Variants in CAPS2 observed in about 807,000 individuals in gnomAD.
CAPS2 encodes the protein calcyphosine 2.
Under a neutral mutation model 86.5 loss-of-function variants are expected in CAPS2, and 98 were observed. The ratio of observed to expected loss-of-function variants is 1.13; its 90% confidence interval spans 0.96 to 1.34. The LOEUF is 1.34. CAPS2 is among the 40% of genes most tolerant of loss of function. The pLI is 0.00. For synonymous variants in CAPS2, 210 were observed against 225.1 expected, an observed-to-expected ratio of 0.93 and a Z score of 0.60; for missense variants, 729 against 686.8, an observed-to-expected ratio of 1.06 and a Z score of -0.69.
downstream of CAPS2, chr12:75,276,984 C>T: frequency 2.0e-6 from 2 of 984,132 alleles, no homozygotes; most frequent in Non-Finnish European, 2.4e-6. Context: ...CACTAAATAA[C>T]AGATTTTACT....
chr12:75,375,241 G>A (rs943706922), intron 1 of CAPS2, among the ~76,000 whole-genome samples: 3 of 151,984 alleles, frequency 2.0e-5, no homozygotes, highest in African/African-American at 7.3e-5. Flanking sequence ...ATTCATCCAG[G>A]GACCCACTGG....
upstream of CAPS2, among the ~76,000 whole-genome samples, chr12:75,327,496 T>A (rs1318111741): frequency 6.6e-6 from 1 of 152,166 alleles, no homozygotes; most frequent in Non-Finnish European, 1.5e-5. Context: ...TTACCAAGGA[T>A]AATTTTACAT....
At chr12:75,386,894 C>A (rs1253813124) in intron 1 of CAPS2, among the ~76,000 whole-genome samples, 3 of 151,958 alleles carry the variant, frequency 2.0e-5, no homozygotes, top group Non-Finnish European at 4.4e-5. Context: ...AAACTTTATA[C>A]CCTTCACAAA....
intron 1 of CAPS2, chr12:75,360,834 C>CT (rs2043533113): frequency 6.6e-6 from 1 of 152,202 alleles, no homozygotes; most frequent in African/African-American, 2.4e-5. Flanking sequence ...GCCCCTGTAG[C>CT]AGACTTCTGC....
At chr12:75,290,346 T>C (rs963511951) in intron 13 of CAPS2, among the ~76,000 whole-genome samples, 1 of 152,222 alleles carries the variant, frequency 6.6e-6, no homozygotes, top group Non-Finnish European at 1.5e-5. Flanking sequence ...ATTCTCTTTG[T>C]AGCTGTTATT....
intron 10 of CAPS2, 35 bp downstream of exon 10, chr12:75,298,836 C>A: frequency 6.3e-7 from 1 of 1,589,676 alleles, no homozygotes; most frequent in Non-Finnish European, 8.6e-7. Flanking sequence ...CGGAAGTGAA[C>A]ATCTCCAGAG....
intron 1 of CAPS2, among the ~76,000 whole-genome samples, chr12:75,376,292 T>C (rs982420151): frequency 6.6e-6 from 1 of 152,208 alleles, no homozygotes; most frequent in Non-Finnish European, 1.5e-5. Context: ...ACTTTATGTT[T>C]CTTCCACCAT....
chr12:75,334,433 G>T (rs933769863), upstream of CAPS2: 2 of 1,169,916 alleles, frequency 1.7e-6, no homozygotes, highest in Middle Eastern at 3.5e-4. Flanking sequence ...ATCCAGACGC[G>T]CTCTGCAGAT....
intron 6 of CAPS2, among the ~76,000 whole-genome samples, chr12:75,314,716 A>G (rs1003081523): frequency 2.6e-5 from 4 of 152,198 alleles, no homozygotes; most frequent in African/African-American, 9.6e-5. Context: ...GGCTGAACAC[A>G]GATGTAAAAC....
intron 13 of CAPS2, among the ~76,000 whole-genome samples, chr12:75,291,315 GTAT>G (rs2035813199): frequency 6.6e-6 from 1 of 150,696 alleles, no homozygotes; most frequent in South Asian, 2.1e-4. Flanking sequence ...CATAAGACAA[GTAT>G]TATATTACAA....
chr12:75,346,495 A>G (rs1180665153), intron 1 of CAPS2, among the ~76,000 whole-genome samples: 1 of 152,106 alleles, frequency 6.6e-6, no homozygotes, highest in African/African-American at 2.4e-5. Context: ...AGTTCAAGCA[A>G]TTCTCCTGCC....
chr12:75,357,834 G>T (rs1440398902), intron 1 of CAPS2, among the ~76,000 whole-genome samples: 1 of 151,482 alleles, frequency 6.6e-6, no homozygotes, highest in Non-Finnish European at 1.5e-5. Flanking sequence ...GAACATACGG[G>T]ATGCTATTAA....
intron 13 of CAPS2, 131 bp from the exon 14 acceptor site, chr12:75,289,906 A>C: frequency 3.0e-6 from 2 of 671,250 alleles, no homozygotes; most frequent in Non-Finnish European, 5.0e-6. Flanking sequence ...AACAAATCAA[A>C]TGTAAGACAA....
chr12:75,305,556 C>T, intron 7 of CAPS2: 1 of 629,502 alleles, frequency 1.6e-6, no homozygotes, highest in Non-Finnish European at 3.0e-6. Context: ...CGTCCGCGAC[C>T]CTGGCAGAGC....
At chr12:75,363,860 C>A (rs2043785051) in intron 1 of CAPS2, among the ~76,000 whole-genome samples, 1 of 152,074 alleles carries the variant, frequency 6.6e-6, no homozygotes, top group Non-Finnish European at 1.5e-5. Flanking sequence ...AGACATCAAT[C>A]AATACATGCA....
chr12:75,323,141 T>C (rs2040455019), intron 3 of CAPS2, 36 bp downstream of exon 4: 1 of 1,496,826 alleles, frequency 6.7e-7, no homozygotes, highest in South Asian at 1.2e-5. Context: ...TATTGTGTTT[T>C]AATGTTTATT....
intron 5 of CAPS2, among the ~76,000 whole-genome samples, chr12:75,317,938 G>A (rs2039935481): frequency 6.6e-6 from 1 of 151,918 alleles, no homozygotes; most frequent in African/African-American, 2.4e-5. Context: ...TAGTTCCTCA[G>A]AACTTATTTA....
At chr12:75,312,720 A>G (rs2039357653) in intron 7 of CAPS2, 128 bp downstream of exon 7, 1 of 594,646 alleles carries the variant, frequency 1.7e-6, no homozygotes, top group Non-Finnish European at 3.0e-6. Flanking sequence ...GGTGCAGTAA[A>G]CAGAGAAAGT....
chr12:75,346,042 T>C (rs2042422405), intron 1 of CAPS2, among the ~76,000 whole-genome samples: 1 of 152,202 alleles, frequency 6.6e-6, no homozygotes, highest in Non-Finnish European at 1.5e-5. Flanking sequence ...ATATTCATAT[T>C]AGAGTTACAT....
Sources: gnomAD v4.1 joint callset for allele counts (sites outside exome capture counted in the v4.1 genomes callset) on GRCh38, gnomAD v4.1.1 for gene constraint, MANE v1.5 for transcripts, NCBI Gene and HGNC (gene_info 2026-07-23, HGNC 2026-07-21) for gene names.